The following GALNT1 variants were observed in gnomAD, a reference collection of about 807,000 sequenced individuals.
GALNT1 encodes the protein polypeptide N-acetylgalactosaminyltransferase 1.
In GALNT1, 17 loss-of-function variants were observed where a neutral mutation model predicts 65.7. The observed-to-expected ratio is 0.26, with a 90% CI of 0.18 to 0.39. GALNT1 has a LOEUF of 0.39. GALNT1 is among the 10% of genes least tolerant of loss of function. The pLI is 1.00. For missense variants in GALNT1, 460 were observed against 672.8 expected (o/e 0.68, Z 3.50); for synonymous variants, 210 against 219.7 (o/e 0.96, Z 0.39).
intron 11 of GALNT1, among the ~76,000 whole-genome samples, chr18:35,707,134 A>G (rs1267007705): frequency 6.6e-6 from 1 of 152,192 alleles, no homozygotes; most frequent in East Asian, 1.9e-4. Flanking sequence ...CATATTACAT[A>G]AAATTTACAA....
At chr18:35,623,873 T>A (rs1326578162) in intron 1 of GALNT1, among the ~76,000 whole-genome samples, 2 of 152,254 alleles carry the variant, frequency 1.3e-5, no homozygotes, top group African/African-American at 4.8e-5. Context: ...TTTCCACGTC[T>A]GGGTCATCTT....
At chr18:35,697,239 A>G (rs1039672031) in intron 9 of GALNT1, among the ~76,000 whole-genome samples, 1 of 152,136 alleles carries the variant, frequency 6.6e-6, no homozygotes, top group Non-Finnish European at 1.5e-5. Context: ...TGAGAGAGAG[A>G]GAGATTTATC....
At chr18:35,627,946 T>C (rs747679698) in intron 1 of GALNT1, among the ~76,000 whole-genome samples, 2 of 138,022 alleles carry the variant, frequency 1.4e-5, no homozygotes, top group Non-Finnish European at 1.7e-5. Context: ...CGGAGGGTCC[T>C]ACGCCCACGG....
At chr18:35,684,566 CA>C (rs2047838236) in intron 5 of GALNT1, among the ~76,000 whole-genome samples, 1 of 152,120 alleles carries the variant, frequency 6.6e-6, no homozygotes, top group South Asian at 2.1e-4. Context: ...GAGGTGATGA[CA>C]GAAGTATGGA....
intron 3 of GALNT1, among the ~76,000 whole-genome samples, chr18:35,674,786 G>A (rs1050694826): frequency 1.3e-5 from 2 of 151,708 alleles, no homozygotes; most frequent in East Asian, 1.9e-4. Flanking sequence ...GATTGAGACC[G>A]TCCTGGCTAA....
intron 1 of GALNT1, among the ~76,000 whole-genome samples, chr18:35,590,032 G>C (rs943794662): frequency 2.5e-4 from 38 of 152,266 alleles, no homozygotes; most frequent in African/African-American, 8.2e-4. Context: ...ACTGCCTGGA[G>C]TGTTACTGCT....
intron 1 of GALNT1, among the ~76,000 whole-genome samples, chr18:35,634,543 G>A (rs978941494): frequency 3.9e-5 from 6 of 152,118 alleles, no homozygotes; most frequent in Non-Finnish European, 8.8e-5. Context: ...CTCTCCCTAT[G>A]GAGTCACACA....
In GALNT1 at chr18:35,616,888, G is replaced by C. The variant is rs138478607; in HGVS notation, c.-104+35026G>C. On this transcript the variant is annotated intron_variant, in intron 1 of 11. Transcript: ENST00000269195. ...TTCAGCTTCCTCAGCTGAAAATGAA[G>C]ATAAAACCCACTTGAAAGGGTTGTT... Among the ~76,000 whole-genome samples the C allele has an allele frequency of 5.3e-5, 8 of 152,116 alleles. No homozygotes were observed. The East Asian group carries it at 1.5e-3, about 29-fold the overall frequency.
intron 1 of GALNT1, among the ~76,000 whole-genome samples, chr18:35,648,024 G>GAGAAGAAGA (rs71166076): frequency 4.1e-5 from 6 of 145,958 alleles, no homozygotes; most frequent in African/African-American, 1.3e-4. Flanking sequence ...AAAACAAAAA[G>GAGAAGAAGA]AGAAGAAGAA....
intron 5 of GALNT1, among the ~76,000 whole-genome samples, chr18:35,686,026 C>A (rs2047862162): frequency 6.6e-6 from 1 of 152,164 alleles, no homozygotes; most frequent in Non-Finnish European, 1.5e-5. Flanking sequence ...CAAGAGTGCA[C>A]CATTGCCCTC....
chr18:35,628,911 A>G (rs920046011), intron 1 of GALNT1, among the ~76,000 whole-genome samples: 1 of 152,240 alleles, frequency 6.6e-6, no homozygotes, highest in Non-Finnish European at 1.5e-5. Context: ...CGAGAACTAC[A>G]TGACGAATGC....
intron 4 of GALNT1, among the ~76,000 whole-genome samples, chr18:35,678,189 G>A (rs1434065882): frequency 6.6e-6 from 1 of 152,040 alleles, no homozygotes. Flanking sequence ...AGCTTTAGCT[G>A]GGTGAACCTT....
rs114107926 is a variant in GALNT1 at position 35,587,505 on chromosome 18, G to A, written c.-104+5643G>A. 6.4e-3 allele frequency among the ~76,000 whole-genome samples: 971 copies of A among 152,240 alleles called. 10 individuals are homozygous for A. The highest frequency in any genetic ancestry group is 0.022 in the African/African-American group (895 of 41,542). On this transcript the variant is annotated intron_variant, in intron 1 of 11. Transcript: ENST00000269195. ...GATTTTCATGGATGCTGTTTATCAA[G>A]TTAGGGAAGTTCCTCTCTGTTCCTA...
intron 4 of GALNT1, among the ~76,000 whole-genome samples, chr18:35,680,409 C>T (rs508284): frequency 0.61 from 93,422 of 152,010 alleles, 29,263 homozygotes; most frequent in Middle Eastern, 0.71. Flanking sequence ...GTTTGAATTA[C>T]TTGTCTGTTT....
intron 11 of GALNT1, among the ~76,000 whole-genome samples, chr18:35,704,624 A>T (rs1172736454): frequency 1.4e-5 from 2 of 144,858 alleles, no homozygotes; most frequent in African/African-American, 2.5e-5. Context: ...TTTCTAATTT[A>T]TTTTTTTTTA....
intron 11 of GALNT1, among the ~76,000 whole-genome samples, chr18:35,704,667 G>A (rs1334427558): frequency 6.8e-6 from 1 of 147,760 alleles, no homozygotes; most frequent in Non-Finnish European, 1.5e-5. Context: ...TTTTTGAGAT[G>A]GAGTCTCGCT....
intron 1 of GALNT1, among the ~76,000 whole-genome samples, chr18:35,589,515 A>G (rs1162647658): frequency 6.6e-6 from 1 of 151,942 alleles, no homozygotes; most frequent in Non-Finnish European, 1.5e-5. Context: ...GCTTCTGTTA[A>G]TGTTTCCAGG....
At chr18:35,596,064 GT>G (rs1470754970) in intron 1 of GALNT1, 1 of 152,178 alleles carries the variant, frequency 6.6e-6, no homozygotes, top group Admixed American at 6.6e-5. Context: ...ACAGCAGAGA[GT>G]TTGGAGAGAA....
chr18:35,697,557 T>G (rs1233714625), intron 9 of GALNT1, among the ~76,000 whole-genome samples: 1 of 152,192 alleles, frequency 6.6e-6, no homozygotes, highest in Non-Finnish European at 1.5e-5. Flanking sequence ...ATAAAACACC[T>G]TTTTTATTGG....
Sources: gnomAD v4.1 joint callset for allele counts (sites outside exome capture counted in the v4.1 genomes callset) on GRCh38, gnomAD v4.1.1 for gene constraint, MANE v1.5 for transcripts, NCBI Gene and HGNC (gene_info 2026-07-23, HGNC 2026-07-21) for gene names.